CPNE7: variants seen among roughly 807,000 people sequenced by gnomAD.
CPNE7 encodes the protein copine-7.
A neutral mutation model predicts 66.5 loss-of-function variants in CPNE7; 78 were observed. That is an observed-to-expected ratio of 1.17 (90% CI 0.98 to 1.42). The LOEUF (loss-of-function observed/expected upper bound fraction) is 1.42. CPNE7 is among the 40% of genes most tolerant of loss of function. CPNE7 has a pLI of 0.00. For missense variants in CPNE7, 1,012 were observed against 776.6 expected (o/e 1.30, Z -3.60); for synonymous variants, 468 against 336.7 (o/e 1.39, Z -4.27).
intron 13 of CPNE7, 87 bp downstream of exon 13, chr16:89,591,347 G>C: frequency 1.5e-5 from 22 of 1,448,086 alleles, no homozygotes. Context: ...GCACCTGGCA[G>C]AGGGAACAGC....
At chr16:89,593,970 G>A (rs1167132273) in intron 13 of CPNE7, 1 of 152,144 alleles carries the variant, frequency 6.6e-6, no homozygotes, top group Admixed American at 6.6e-5. Context: ...AAGCAGCCAC[G>A]ACACCTGATC....
At chr16:89,586,893 G>C (rs915340529) in intron 8 of CPNE7, 137 bp downstream of exon 8, 1 of 1,092,852 alleles carries the variant, frequency 9.2e-7, no homozygotes, top group Non-Finnish European at 1.4e-6. Flanking sequence ...AGACGGGGAA[G>C]GGCGAGGTTG....
chr16:89,581,069 C>T (rs538641956), intron 2 of CPNE7, among the ~76,000 whole-genome samples: 6 of 150,506 alleles, frequency 4.0e-5, no homozygotes, highest in African/African-American at 1.5e-4. Flanking sequence ...AACATCCCGT[C>T]ACCTGTCACA....
chr16:89,581,189 C>A (rs768491726), intron 2 of CPNE7, among the ~76,000 whole-genome samples: 9 of 151,422 alleles, frequency 5.9e-5, no homozygotes, highest in Non-Finnish European at 1.0e-4. Flanking sequence ...CCGTCTCCCG[C>A]TGACACGGAA....
rs751449030 is a variant in CPNE7, at chr16:89,595,557, C to T, written c.1493C>T (p.Ala498Val). The change falls in exon 14 of 15, where the codon GCG (alanine) becomes GTG (valine). Residue 498 changes from alanine to valine, a missense_variant. By Grantham distance (64) the Ala-to-Val change is moderately conservative. Transcript: ENST00000319518. ...GVLRSPRGEP[A>V]LRDIVQFVPF... is the part of the protein sequence containing the mutation. The stretch of plus-strand genomic sequence containing the variant: ...CTGCGCTCCCCACGGGGTGAGCCCG[C>T]GCTCCGGGACATCGTACAGTTCGTG... 3.2e-5 allele frequency: 52 copies of T among 1,611,748 alleles called. No homozygotes were observed. The highest frequency in any genetic ancestry group is 1.6e-4 in the Middle Eastern group (1 of 6,082).
Position 89,586,711 on chromosome 16 carries a change from A to T in CPNE7, c.822A>T (p.Arg274Ser), listed in dbSNP as rs370903665. The T allele has an allele frequency of 1.2e-5, 19 of 1,612,472 alleles. No homozygotes were observed. The highest frequency in any genetic ancestry group is 1.6e-5 in the Non-Finnish European group (19 of 1,179,610). ...DCVNPKYKQK[R>S]RSYKNSGVVV... ...TGAACCCCAAATACAAGCAGAAGAG[A>T]CGCAGTTATAAGAACTCAGGAGTGG... Residue 274 changes from arginine (R) to serine (S), a missense_variant, in exon 8 of 15, where the codon AGA (arginine) becomes AGT (serine). By Grantham distance (110) the Arg-to-Ser change is moderately radical. Transcript: ENST00000319518.
Position 89,584,642 on chromosome 16 carries a change from G to C in CPNE7, c.508-132G>C. The C allele has an allele frequency of 2.9e-6, 2 of 690,954 alleles. No individual in the cohort carries two copies. Among genetic ancestry groups the C allele is most frequent in the Non-Finnish European group, 5.1e-6 (2 of 393,382 alleles). The allele number at this position is 690,954 out of a possible 1,614,324, so 42.8% of individuals were successfully genotyped here. On this transcript the variant is annotated intron_variant, in intron 4 of 14. Transcript: ENST00000319518. The surrounding 1 kb of genome is among the most constrained non-coding windows in gnomAD (Gnocchi z 6.0). ...GACGAGATGCTGTCGGCGGGGACTG[G>C]CTGCCTCGTTTTGTGCCTGAGGAAT...
chr16:89,583,320 A>G (rs919343437), intron 2 of CPNE7: 15 of 900,584 alleles, frequency 1.7e-5, no homozygotes, highest in Non-Finnish European at 2.3e-5. Context: ...GGGCCTGGAG[A>G]GGGTCAGGGC....
At chr16:89,595,881 T>G (rs2059247082) in intron 14 of CPNE7, 2 of 603,468 alleles carry the variant, frequency 3.3e-6, no homozygotes, top group Admixed American at 4.3e-5. Context: ...CTTCCCCCGT[T>G]GCTGCCAACC....
chr16:89,588,535 A>G (rs2059120176), intron 9 of CPNE7, 140 bp from the exon 10 acceptor site: 4 of 1,011,354 alleles, frequency 4.0e-6, no homozygotes, highest in East Asian at 2.5e-5. Flanking sequence ...GTCAGCCCCA[A>G]CAGCAGCCCC....
At chr16:89,590,752 G>T (rs2059153937) in intron 11 of CPNE7, among the ~76,000 whole-genome samples, 1 of 101,120 alleles carries the variant, frequency 9.9e-6, no homozygotes, top group African/African-American at 3.8e-5. Context: ...GGCCAGGTCG[G>T]GGGAGCAGCT....
At position 89,577,728 on chromosome 16, in the gene CPNE7, GCC is replaced by G. The variant is rs2058882721; in HGVS notation, c.357+10_357+11del. 1 of 1,583,462 alleles carries G rather than the reference GCC, an allele frequency of 6.3e-7. No homozygotes were observed. Among genetic ancestry groups the G allele is most frequent in the Non-Finnish European group, 8.6e-7 (1 of 1,165,402 alleles). On this transcript the variant is annotated splice_region_variant and intron_variant, in intron 2 of 14. Coordinates refer to ENST00000319518, the MANE Select transcript of CPNE7 (RefSeq NM_153636.3). ...GGAGTGCACCCTGGGGCAGGTGGGTGCCCCGTCCCCTCGGAGGGAGGAGGACG... is the reference window on the plus strand; with the variant it reads ...GGAGTGCACCCTGGGGCAGGTGGGTGCCGTCCCCTCGGAGGGAGGAGGACG...
intron 9 of CPNE7, among the ~76,000 whole-genome samples, chr16:89,588,298 C>G (rs1055290990): frequency 3.5e-4 from 54 of 152,226 alleles, no homozygotes; most frequent in African/African-American, 1.3e-3. Context: ...CCCAGAATGG[C>G]TTTGGGAGAA....
At chr16:89,589,353 C>G (rs895376827) in intron 10 of CPNE7, among the ~76,000 whole-genome samples, 3 of 152,232 alleles carry the variant, frequency 2.0e-5, no homozygotes, top group African/African-American at 7.2e-5. Flanking sequence ...CGCATAGACT[C>G]TGCACATGGT....
At chr16:89,577,951 C>T (rs1401704321) in intron 2 of CPNE7, among the ~76,000 whole-genome samples, 4 of 152,188 alleles carry the variant, frequency 2.6e-5, no homozygotes, top group African/African-American at 2.4e-5. Context: ...GGCTGTGGAG[C>T]GCCTCCATCC....
In CPNE7 at chr16:89,575,851, G is replaced by T. The variant is rs996339654; in HGVS notation, c.-47G>T. The T allele has an allele frequency of 1.9e-4, 224 of 1,165,658 alleles. No homozygotes were observed. Among genetic ancestry groups the T allele is most frequent in the Non-Finnish European group, 2.2e-4 (207 of 945,054 alleles). The allele number at this position is 1,165,658 out of a possible 1,614,324, so 72.2% of individuals were successfully genotyped here. A position where few individuals can be genotyped will look rare whatever the true frequency, so the allele number is the denominator to read the frequency against. ...GCGCCGCGGCGGCGCCGACTCGCGGGCAGCGGCCCCTCAGTGCGCCCAGCC... is the reference window on the plus strand; with the variant it reads ...GCGCCGCGGCGGCGCCGACTCGCGGTCAGCGGCCCCTCAGTGCGCCCAGCC... On this transcript the variant is annotated 5_prime_UTR_variant, in exon 1 of 15. Transcript: ENST00000319518.
intron 2 of CPNE7, among the ~76,000 whole-genome samples, chr16:89,579,450 G>A (rs1038858199): frequency 3.3e-5 from 5 of 151,378 alleles, no homozygotes; most frequent in African/African-American, 9.7e-5. Context: ...CCCCTCACAC[G>A]GAACATCCTG....
chr16:89,576,421 G>A (rs1475055661), intron 1 of CPNE7, among the ~76,000 whole-genome samples: 2 of 152,056 alleles, frequency 1.3e-5, no homozygotes, highest in Non-Finnish European at 2.9e-5. Context: ...AGAGGCGCAA[G>A]GAGATTGAGG....
intron 7 of CPNE7, among the ~76,000 whole-genome samples, 194 bp downstream of exon 7, chr16:89,585,979 G>C (rs1167564143): frequency 8.9e-6 from 1 of 112,748 alleles, no homozygotes; most frequent in Admixed American, 9.1e-5. Context: ...GGTTGGGGGG[G>C]CCTTTGGGGA....
Sources: allele counts gnomAD v4.1 joint callset (sites outside exome capture counted in the v4.1 genomes callset), GRCh38; gene constraint gnomAD v4.1.1; non-coding constraint Gnocchi (gnomAD v3.1); transcripts MANE v1.5; gene names NCBI Gene and HGNC (gene_info 2026-07-23, HGNC 2026-07-21).